The following WASF2 variants were observed in gnomAD, a reference collection of about 807,000 sequenced individuals.
WASF2 encodes the protein actin-binding protein WASF2.
WASF2 carries 14 observed loss-of-function variants against 45.0 expected under a neutral mutation model. The ratio of observed to expected loss-of-function variants is 0.31; its 90% confidence interval spans 0.21 to 0.49. The LOEUF (loss-of-function observed/expected upper bound fraction) is 0.49. Ranked by LOEUF, WASF2 falls within the 20% of genes least tolerant of loss-of-function variation. WASF2 has a pLI of 0.99. For missense variants in WASF2, 439 were observed against 636.1 expected (o/e 0.69, Z 3.33); for synonymous variants, 200 against 236.3 (o/e 0.85, Z 1.41).
chr1:27,474,629 G>A (rs1248589693), intron 1 of WASF2, among the ~76,000 whole-genome samples: 1 of 151,938 alleles, frequency 6.6e-6, no homozygotes, highest in African/African-American at 2.4e-5. Context: ...AATTAGCTGC[G>A]CATGGTGGCA....
intron 5 of WASF2, among the ~76,000 whole-genome samples, chr1:27,415,252 G>T (rs1371745389): frequency 3.3e-5 from 5 of 152,202 alleles, no homozygotes; most frequent in Admixed American, 1.3e-4. Flanking sequence ...CTAATTGCTA[G>T]ATGTTAGTAA....
chr1:27,435,349 C>T (rs577305494), intron 1 of WASF2, among the ~76,000 whole-genome samples: 1 of 152,234 alleles, frequency 6.6e-6, no homozygotes, highest in South Asian at 2.1e-4. Flanking sequence ...ACTTTGGGAG[C>T]TGAGACCGGA....
At chr1:27,428,719 A>G (rs1489509893) in intron 2 of WASF2, 42 bp downstream of exon 2, 2 of 1,613,768 alleles carry the variant, frequency 1.2e-6, no homozygotes, top group Non-Finnish European at 1.7e-6. Flanking sequence ...AAGAGCACCA[A>G]CGACCCCTGA....
chr1:27,447,411 G>A (rs750206751), intron 1 of WASF2, among the ~76,000 whole-genome samples: 15 of 152,132 alleles, frequency 9.9e-5, no homozygotes, highest in Admixed American at 3.3e-4. Context: ...GTATTAATGA[G>A]CCAAAGGTGT....
intron 2 of WASF2, among the ~76,000 whole-genome samples, chr1:27,420,616 C>T (rs1260855850): frequency 1.3e-5 from 2 of 150,298 alleles, no homozygotes; most frequent in African/African-American, 4.9e-5. Flanking sequence ...CTGCCTCCCG[C>T]GTTCAAGTGA....
At chr1:27,456,823 C>T (rs2017474501) in intron 1 of WASF2, among the ~76,000 whole-genome samples, 1 of 151,636 alleles carries the variant, frequency 6.6e-6, no homozygotes, top group South Asian at 2.1e-4. Context: ...GCAACCTCCG[C>T]CTCACGGGTT....
chr1:27,408,242 T>C lies in WASF2; in HGVS notation c.1444A>G (p.Ser482Gly). The C allele has an allele frequency of 6.2e-7, 1 of 1,614,194 alleles. No homozygotes were observed. The highest frequency in any genetic ancestry group is 1.1e-5 in the South Asian group (1 of 91,080). Residue 482 changes from serine (S) to glycine (G), a missense_variant, in exon 9 of 9, where the codon AGT (serine) becomes GGT (glycine). By Grantham distance (56) the Ser-to-Gly change is moderately conservative. This residue lies in a region of WASF2 where 286 missense variants were observed against 373.5 expected (regional missense o/e 0.77). Coordinates refer to ENST00000618852, the MANE Select transcript of WASF2 (RefSeq NM_006990.5). ...TCAGAGGAGTCATCTTCTGAGTCACTGTACTCAACAGCAATGCGACGAGAC... is the reference window on the plus strand; with the variant it reads ...TCAGAGGAGTCATCTTCTGAGTCACCGTACTCAACAGCAATGCGACGAGAC... ...ILSRRIAVEY[S>G]DSEDDSSEFD... is the part of the protein sequence containing the mutation.
chr1:27,487,262 G>T (rs988259265), intron 1 of WASF2, among the ~76,000 whole-genome samples: 1 of 145,136 alleles, frequency 6.9e-6, no homozygotes, highest in Non-Finnish European at 1.5e-5. Context: ...CACCACGCCC[G>T]GCTACTTTTT....
At chr1:27,416,795 G>C (rs1312867149) in intron 4 of WASF2, among the ~76,000 whole-genome samples, 1 of 152,224 alleles carries the variant, frequency 6.6e-6, no homozygotes, top group Non-Finnish European at 1.5e-5. Context: ...CAGTGGGACA[G>C]AGTAAACTAC....
chr1:27,418,867 GTT>G (rs74321458), intron 3 of WASF2, 85 bp downstream of exon 3: 539 of 1,089,622 alleles, frequency 4.9e-4, no homozygotes, highest in Non-Finnish European at 5.1e-4. Context: ...CTCTCCTCAC[GTT>G]TTTTTTTTTT....
chr1:27,452,192 T>G (rs1307980179), intron 1 of WASF2, among the ~76,000 whole-genome samples: 1 of 152,234 alleles, frequency 6.6e-6, no homozygotes, highest in Non-Finnish European at 1.5e-5. Context: ...TGCTTTAAAA[T>G]TATTTAGAGA....
At chr1:27,446,547 G>A (rs1486475226) in intron 1 of WASF2, among the ~76,000 whole-genome samples, 1 of 152,152 alleles carries the variant, frequency 6.6e-6, no homozygotes, top group African/African-American at 2.4e-5. Flanking sequence ...TTGGGAGGCT[G>A]AGGCAGGCAG....
chr1:27,422,275 G>A (rs1263028304), intron 2 of WASF2, among the ~76,000 whole-genome samples: 4 of 152,114 alleles, frequency 2.6e-5, no homozygotes, highest in Admixed American at 6.6e-5. Flanking sequence ...CCTCAGGCCC[G>A]AGGCAGACTT....
At chr1:27,472,033 T>C (rs902736443) in intron 1 of WASF2, among the ~76,000 whole-genome samples, 6 of 152,154 alleles carry the variant, frequency 3.9e-5, no homozygotes, top group Non-Finnish European at 5.9e-5. Context: ...GGATTAATCT[T>C]TTAAAAATGG....
At chr1:27,469,744 C>A (rs1169222177) in intron 1 of WASF2, among the ~76,000 whole-genome samples, 2 of 152,092 alleles carry the variant, frequency 1.3e-5, no homozygotes, top group Non-Finnish European at 2.9e-5. Flanking sequence ...GAATTAGAGA[C>A]CAGCCTGGCC....
In WASF2 at chr1:27,430,234, A is replaced by G. The variant is rs185243543; in HGVS notation, c.-43-1301T>C. 4.6e-5 allele frequency among the ~76,000 whole-genome samples: 7 copies of G among 152,368 alleles called. No individual in the cohort carries two copies. The East Asian group carries it at 1.2e-3, about 25-fold the overall frequency. ...GGCACAATGAACTGATCCTCTTTCC[A>G]CATCTTATAAAACTAAAGAAATCTA... On this transcript the variant is annotated intron_variant, in intron 1 of 8. Coordinates refer to ENST00000618852, the MANE Select transcript of WASF2 (RefSeq NM_006990.5).
intron 1 of WASF2, among the ~76,000 whole-genome samples, chr1:27,449,252 T>A (rs550367561): frequency 6.6e-6 from 1 of 152,264 alleles, no homozygotes; most frequent in Non-Finnish European, 1.5e-5. Context: ...CTATGAGTCA[T>A]CTCTAATCTT....
intron 6 of WASF2, among the ~76,000 whole-genome samples, chr1:27,413,370 G>A (rs2016790339): frequency 6.6e-6 from 1 of 152,126 alleles, no homozygotes; most frequent in South Asian, 2.1e-4. Flanking sequence ...TGTTCTGGGT[G>A]AACAACAACA....
chr1:27,445,276 G>C (rs1250811703), intron 1 of WASF2, among the ~76,000 whole-genome samples: 1 of 152,092 alleles, frequency 6.6e-6, no homozygotes, highest in Non-Finnish European at 1.5e-5. Flanking sequence ...TGATTTTACA[G>C]ATCAGAAAAC....
Sources: allele counts gnomAD v4.1 joint callset (sites outside exome capture counted in the v4.1 genomes callset), GRCh38; gene constraint gnomAD v4.1.1; regional missense constraint gnomAD v4.1.1; transcripts MANE v1.5; gene names NCBI Gene and HGNC (gene_info 2026-07-23, HGNC 2026-07-21).